The following LRCH2 variants were observed in gnomAD, a reference collection of about 807,000 sequenced individuals.
LRCH2 encodes leucine-rich repeat and calponin homology domain-containing protein 2.
Under a neutral mutation model 68.9 loss-of-function variants are expected in LRCH2, and 38 were observed. That is an observed-to-expected ratio of 0.55 (90% CI 0.43 to 0.72). The LOEUF is 0.72. Among genes scored for constraint, LRCH2 ranks in the 30% least tolerant of loss-of-function variants. LRCH2 has a pLI of 0.00. For synonymous variants in LRCH2, 191 were observed against 208.1 expected (o/e 0.92, Z 0.71); for missense variants, 528 against 572.9 (o/e 0.92, Z 0.80).
chrX:115,234,055 A>G lies in LRCH2; in HGVS notation c.-14T>C. ...ACTCGCCGCCATGTTCCTGGGAGAGAGAATAGCCCCCGACAATACTGTCAG... is the reference window on the plus strand; with the variant it reads ...ACTCGCCGCCATGTTCCTGGGAGAGGGAATAGCCCCCGACAATACTGTCAG... On this transcript the variant is annotated 5_prime_UTR_variant, in exon 1 of 21. Coordinates refer to ENST00000317135, the MANE Select transcript of LRCH2 (RefSeq NM_020871.4). 1 of 1,161,605 alleles carries G rather than the reference A, an allele frequency of 8.6e-7. No homozygotes were observed. The highest frequency in any genetic ancestry group is 1.1e-6 in the Non-Finnish European group (1 of 870,489).
chrX:115,142,095 T>C (rs1424376973), intron 14 of LRCH2, among the ~76,000 whole-genome samples: 1 of 110,667 alleles, frequency 9.0e-6, no homozygotes, highest in African/African-American at 3.3e-5. Context: ...GAAAAAGGGG[T>C]AAACTTAGTC....
At chrX:115,191,055 C>T (rs2072804733) in intron 1 of LRCH2, 1 of 1,166,000 alleles carries the variant, frequency 8.6e-7, no homozygotes. Flanking sequence ...GCAGTTCCAG[C>T]AACAGTTACG....
intron 1 of LRCH2, among the ~76,000 whole-genome samples, chrX:115,204,476 C>T (rs2072952082): frequency 8.9e-6 from 1 of 112,640 alleles, no homozygotes; most frequent in Non-Finnish European, 1.9e-5. Context: ...GCTTTTCTTC[C>T]TTTTTAAACA....
intron 14 of LRCH2, among the ~76,000 whole-genome samples, chrX:115,138,300 A>T (rs2072307308): frequency 9.0e-6 from 1 of 111,532 alleles, no homozygotes; most frequent in African/African-American, 3.3e-5. Flanking sequence ...AAAGATTCTC[A>T]ACAAACAGGC....
chrX:115,212,724 A>T, intron 1 of LRCH2, among the ~76,000 whole-genome samples: 1 of 109,169 alleles, frequency 9.2e-6, no homozygotes, highest in Non-Finnish European at 1.9e-5. Context: ...CAATCCCAAC[A>T]CTTTGGGAGG....
chrX:115,201,638 G>C (rs1334728792), intron 1 of LRCH2, among the ~76,000 whole-genome samples: 1 of 111,657 alleles, frequency 9.0e-6, no homozygotes, highest in Non-Finnish European at 1.9e-5. Flanking sequence ...CATTGTTATT[G>C]AATATAGTAC....
intron 1 of LRCH2, among the ~76,000 whole-genome samples, chrX:115,213,780 T>C (rs1254287666): frequency 8.9e-6 from 1 of 112,010 alleles, no homozygotes; most frequent in Non-Finnish European, 1.9e-5. Flanking sequence ...AACACTAGAC[T>C]TGATCTGAAC....
At chrX:115,145,945 C>T (rs2072378968) in intron 14 of LRCH2, among the ~76,000 whole-genome samples, 1 of 111,968 alleles carries the variant, frequency 8.9e-6, no homozygotes, top group African/African-American at 3.2e-5. Context: ...GGGTATATAA[C>T]CCAAAGAAAG....
At chrX:115,182,265 T>C (rs1230525771) in intron 3 of LRCH2, among the ~76,000 whole-genome samples, 1 of 111,168 alleles carries the variant, frequency 9.0e-6, no homozygotes, top group African/African-American at 3.3e-5. Flanking sequence ...AAAAACTAAA[T>C]TAAAAACAAA....
At chrX:115,121,528 G>T (rs2072143061) in intron 20 of LRCH2, among the ~76,000 whole-genome samples, 1 of 111,503 alleles carries the variant, frequency 9.0e-6, no homozygotes, top group African/African-American at 3.3e-5. Flanking sequence ...GCATGTGCCT[G>T]TAGTCCCAGC....
intron 1 of LRCH2, among the ~76,000 whole-genome samples, chrX:115,219,492 C>T (rs1282528632): frequency 9.0e-6 from 1 of 111,654 alleles, no homozygotes; most frequent in African/African-American, 3.3e-5. Flanking sequence ...CGGCAGCTGC[C>T]AGTAAGACAA....
intron 14 of LRCH2, among the ~76,000 whole-genome samples, chrX:115,146,804 T>C (rs1556536354): frequency 9.2e-6 from 1 of 108,795 alleles, no homozygotes; most frequent in African/African-American, 3.3e-5. Flanking sequence ...AGCCAATATG[T>C]TGAAACAGTT....
At chrX:115,206,928 A>T (rs1288632036) in intron 1 of LRCH2, among the ~76,000 whole-genome samples, 5 of 111,127 alleles carry the variant, frequency 4.5e-5, no homozygotes, top group Non-Finnish European at 9.4e-5. Context: ...AAATAACATA[A>T]AACTATTTGT....
At chrX:115,132,434 G>C (rs782709227) in intron 14 of LRCH2, among the ~76,000 whole-genome samples, 7 of 110,963 alleles carry the variant, frequency 6.3e-5, no homozygotes, top group South Asian at 3.9e-4. Flanking sequence ...CTGTTCCATT[G>C]GTCTATTTAA....
chrX:115,164,252 T>G (rs896798643), intron 10 of LRCH2, among the ~76,000 whole-genome samples: 1 of 111,638 alleles, frequency 9.0e-6, no homozygotes, highest in Admixed American at 9.5e-5. Context: ...AAATCCAAAA[T>G]AGGTTCAAAT....
chrX:115,232,464 G>A (rs1307138098), intron 1 of LRCH2, among the ~76,000 whole-genome samples: 2 of 111,224 alleles, frequency 1.8e-5, no homozygotes, highest in African/African-American at 6.5e-5. Context: ...ATCAGTGGTC[G>A]ATTACACATT....
At chrX:115,130,043 C>T (rs782069070) in intron 15 of LRCH2, 112 bp downstream of exon 15, 11 of 385,533 alleles carry the variant, frequency 2.9e-5, no homozygotes, top group Non-Finnish European at 4.5e-5. Context: ...AAAAACCATG[C>T]ATTAAATCAA....
rs1334215520 is a variant in LRCH2, at chrX:115,166,288, A to G, written c.1053T>C (p.Ser351=). The change falls in exon 7 of 21, where the codon AGT becomes AGC. Residue 351 remains serine, a synonymous_variant. Transcript: ENST00000317135. ...KNHGPDSGIG[S]DNGEKRLSTT... ...TGGATAATCGTTTCTCTCCATTATC[A>G]CTTCCAATTCCAGAGTCAGGGCCAT... 3.4e-6 allele frequency: 4 copies of G among 1,194,025 alleles called. No homozygotes were observed. Among genetic ancestry groups the G allele is most frequent in the Non-Finnish European group, 4.5e-6 (4 of 883,327 alleles).
chrX:115,176,847 A>T (rs782733513), intron 5 of LRCH2, among the ~76,000 whole-genome samples: 3 of 106,660 alleles, frequency 2.8e-5, no homozygotes, highest in Non-Finnish European at 5.8e-5. Context: ...CCAAGGATCA[A>T]GCGATTCTCG....
Sources: gnomAD v4.1 joint callset for allele counts (sites outside exome capture counted in the v4.1 genomes callset) on GRCh38, gnomAD v4.1.1 for gene constraint, MANE v1.5 for transcripts, NCBI Gene and HGNC (gene_info 2026-07-23, HGNC 2026-07-21) for gene names.